The following MYOCD variants were observed in gnomAD, a reference collection of about 807,000 sequenced individuals.
The protein encoded by MYOCD is myocardin.
A neutral mutation model predicts 96.1 loss-of-function variants in MYOCD; 32 were observed. That is an observed-to-expected ratio of 0.33 (90% CI 0.25 to 0.45). The LOEUF (loss-of-function observed/expected upper bound fraction) is 0.45, where lower values mean the gene tolerates loss of function less well. MYOCD is among the 20% of genes least tolerant of loss of function. The pLI is 1.00. For missense variants in MYOCD, 1,133 were observed against 1,200.6 expected, an observed-to-expected ratio of 0.94 and a Z score of 0.83; for synonymous variants, 469 against 469.0, an observed-to-expected ratio of 1.00 and a Z score of 0.00.
intron 1 of MYOCD, among the ~76,000 whole-genome samples, chr17:12,689,162 C>T (rs1341551719): frequency 6.6e-6 from 1 of 152,142 alleles, no homozygotes; most frequent in Non-Finnish European, 1.5e-5. Context: ...AGAATTGACT[C>T]ACACTCCGAT....
Position 12,753,084 on chromosome 17 carries a change from C to G in MYOCD, c.1796C>G (p.Pro599Arg). The G allele has an allele frequency of 6.2e-7, 1 of 1,614,202 alleles. No individual in the cohort carries two copies. The highest frequency in any genetic ancestry group is 1.1e-5 in the South Asian group (1 of 91,084). ...RQSSSSECHP[P>R]ACEAAQLQPL... ...AGCAGCAGCTCAGAGTGTCACCCAC[C>G]GGCTTGTGAAGCTGCTCAACTCCAG... The change falls in exon 10 of 14, where the codon CCG becomes CGG. Residue 599 changes from proline (P) to arginine (R), a missense_variant. Coordinates refer to ENST00000425538, the MANE Select transcript of MYOCD (RefSeq NM_001146312.3).
intron 7 of MYOCD, among the ~76,000 whole-genome samples, chr17:12,740,810 C>T (rs1467224170): frequency 6.6e-6 from 1 of 152,072 alleles, no homozygotes; most frequent in Non-Finnish European, 1.5e-5. Context: ...GTGATCTCAG[C>T]TCGTCGCAAC....
chr17:12,697,885 T>G (rs2030855672), intron 1 of MYOCD, among the ~76,000 whole-genome samples: 1 of 152,194 alleles, frequency 6.6e-6, no homozygotes, highest in Non-Finnish European at 1.5e-5. Context: ...AATTTTTTAA[T>G]AAGTGGCAGT....
At position 12,752,458 on chromosome 17, in the gene MYOCD, G is replaced by C; in HGVS notation, c.1170G>C (p.Val390=). Residue 390 remains valine (V), a synonymous_variant, in exon 10 of 14, where the codon GTG becomes GTC. Coordinates refer to ENST00000425538, the MANE Select transcript of MYOCD (RefSeq NM_001146312.3). ...AGCTTCGAATTCGGGGCTTGCCTGTGTCAGGCACCAAAACGGCTCTCATGG... is the reference window on the plus strand; with the variant it reads ...AGCTTCGAATTCGGGGCTTGCCTGTCTCAGGCACCAAAACGGCTCTCATGG... ...RQQLRIRGLP[V]SGTKTALMDR... 2 of 1,614,006 alleles carry C rather than the reference G, an allele frequency of 1.2e-6. No homozygotes were observed. The highest frequency in any genetic ancestry group is 1.7e-6 in the Non-Finnish European group (2 of 1,179,966).
In MYOCD at chr17:12,742,576, A is replaced by AT. The variant is rs71144922; in HGVS notation, c.718-1595dup. On this transcript the variant is annotated intron_variant, in intron 7 of 13. Coordinates refer to ENST00000425538, the MANE Select transcript of MYOCD (RefSeq NM_001146312.3). ...GTAATAAAGTCAGGGTTTGAAAATT[A>AT]TTTTTTTTTTTTGAGGCGGAGTCTC... Among the ~76,000 whole-genome samples the AT allele has an allele frequency of 9.9e-3, 1,460 of 146,802 alleles. 14 individuals are homozygous for AT. The highest frequency in any genetic ancestry group is 0.012 in the African/African-American group (466 of 40,054).
chr17:12,753,456 A>G, intron 10 of MYOCD, 110 bp downstream of exon 10: 1 of 984,356 alleles, frequency 1.0e-6, no homozygotes, highest in Non-Finnish European at 1.5e-6. Flanking sequence ...AGGGTTTACC[A>G]AAAGCATAGC....
intron 5 of MYOCD, among the ~76,000 whole-genome samples, chr17:12,725,290 A>G (rs535688518): frequency 6.6e-6 from 1 of 151,390 alleles, no homozygotes; most frequent in African/African-American, 2.4e-5. Flanking sequence ...CATGATTAGC[A>G]TATTATAGAA....
chr17:12,690,937 A>G (rs572005618), intron 1 of MYOCD, among the ~76,000 whole-genome samples: 1 of 152,332 alleles, frequency 6.6e-6, no homozygotes, highest in African/African-American at 2.4e-5. Context: ...ATTCCAGATG[A>G]GCAATCCCTT....
intron 12 of MYOCD, among the ~76,000 whole-genome samples, chr17:12,759,907 A>G (rs1223072603): frequency 2.0e-5 from 3 of 152,228 alleles, no homozygotes; most frequent in Admixed American, 6.5e-5. Flanking sequence ...AACCGACTCT[A>G]AAGTACCCTG....
chr17:12,715,446 A>T (rs1049059324), intron 2 of MYOCD, 73 bp from the exon 3 acceptor site: 3 of 1,336,968 alleles, frequency 2.2e-6, no homozygotes, highest in Non-Finnish European at 3.2e-6. Flanking sequence ...CAGCAAGCAC[A>T]CCAGCAAACT....
chr17:12,735,960 G>C (rs1463407110), intron 5 of MYOCD, among the ~76,000 whole-genome samples: 1 of 152,046 alleles, frequency 6.6e-6, no homozygotes, highest in Non-Finnish European at 1.5e-5. Context: ...ACCTTTGATA[G>C]AGCACTCTTT....
chr17:12,699,370 C>T (rs539359289), intron 1 of MYOCD, among the ~76,000 whole-genome samples: 21 of 152,204 alleles, frequency 1.4e-4, no homozygotes, highest in South Asian at 4.1e-4. Context: ...GTGATCCACC[C>T]GCCTTGGCCT....
intron 1 of MYOCD, among the ~76,000 whole-genome samples, chr17:12,676,772 A>C (rs1389145870): frequency 6.6e-6 from 1 of 152,206 alleles, no homozygotes; most frequent in Non-Finnish European, 1.5e-5. Flanking sequence ...GGAAAATCTC[A>C]ATGTATATGT....
chr17:12,705,173 C>T lies in MYOCD; in HGVS notation c.101C>T (p.Ala34Val). 6.2e-7 allele frequency: 1 copy of T among 1,613,192 alleles called. No individual in the cohort carries two copies. Among genetic ancestry groups the T allele is most frequent in the Non-Finnish European group, 8.5e-7 (1 of 1,179,204 alleles). The change falls in exon 2 of 14, where the codon GCT becomes GTT. Residue 34 changes from alanine (A) to valine (V), a missense_variant. Ala to Val is a moderately conservative substitution (Grantham distance 64). Transcript: ENST00000425538. Reference protein sequence around the residue: ...LQQRRTQEQLANQGIIPPLKR... With the variant: ...LQQRRTQEQLVNQGIIPPLKR... ...CAAAGAAGGACCCAGGAACAACTGGCTAACCAAGGCATAATACCACGTGAG... is the reference window on the plus strand; with the variant it reads ...CAAAGAAGGACCCAGGAACAACTGGTTAACCAAGGCATAATACCACGTGAG...
chr17:12,709,458 G>C (rs947109469), intron 2 of MYOCD, among the ~76,000 whole-genome samples: 1 of 152,150 alleles, frequency 6.6e-6, no homozygotes, highest in African/African-American at 2.4e-5. Flanking sequence ...AGGGTTCTGA[G>C]GCCAGCACAG....
intron 1 of MYOCD, among the ~76,000 whole-genome samples, chr17:12,699,064 CT>C (rs1197979259): frequency 1.3e-5 from 2 of 150,620 alleles, no homozygotes; most frequent in Non-Finnish European, 3.0e-5. Context: ...TAATGTCATT[CT>C]TTCATTATTT....
chr17:12,690,872 G>T (rs1026087593), intron 1 of MYOCD, among the ~76,000 whole-genome samples: 4 of 152,166 alleles, frequency 2.6e-5, no homozygotes, highest in African/African-American at 9.7e-5. Context: ...TCTGGGAGCT[G>T]TCAAAAGCAA....
intron 4 of MYOCD, among the ~76,000 whole-genome samples, chr17:12,719,174 C>CAAAAAAAAAAAAAAAA (rs71144920): frequency 7.9e-4 from 39 of 49,158 alleles, no homozygotes; most frequent in Non-Finnish European, 9.2e-4. Flanking sequence ...GACTCTGTCT[C>CAAAAAAAAAAAAAAAA]AAAAAAAAAA....
At chr17:12,726,597 C>G (rs906057457) in intron 5 of MYOCD, among the ~76,000 whole-genome samples, 1 of 152,160 alleles carries the variant, frequency 6.6e-6, no homozygotes, top group African/African-American at 2.4e-5. Flanking sequence ...CCAGCACTGC[C>G]TCTGTATTAT....
Sources: gnomAD v4.1 joint callset for allele counts (sites outside exome capture counted in the v4.1 genomes callset) on GRCh38, gnomAD v4.1.1 for gene constraint, MANE v1.5 for transcripts, NCBI Gene and HGNC (gene_info 2026-07-23, HGNC 2026-07-21) for gene names.